The following RPGRIP1 variants were observed in gnomAD, a reference collection of about 807,000 sequenced individuals.
RPGRIP1 encodes RPGR interacting protein 1, also known as X-linked retinitis pigmentosa GTPase regulator-interacting protein 1.
RPGRIP1 carries 128 observed loss-of-function variants against 157.9 expected under a neutral mutation model. The ratio of observed to expected loss-of-function variants is 0.81; its 90% confidence interval spans 0.70 to 0.94. The LOEUF is 0.94. Ranked by LOEUF, RPGRIP1 falls within the 40% of genes least tolerant of loss-of-function variation. The pLI is 0.00. For synonymous variants in RPGRIP1, 554 were observed against 571.6 expected, an observed-to-expected ratio of 0.97 and a Z score of 0.44; for missense variants, 1,486 against 1,545.8, an observed-to-expected ratio of 0.96 and a Z score of 0.65.
intron 2 of RPGRIP1, among the ~76,000 whole-genome samples, chr14:21,289,284 C>T (rs1880423911): frequency 6.6e-6 from 1 of 152,058 alleles, no homozygotes; most frequent in South Asian, 2.1e-4. Context: ...GCCGAGATCG[C>T]ACCACTGCAC....
At chr14:21,315,504 C>CT (rs1405191723) in intron 10 of RPGRIP1, among the ~76,000 whole-genome samples, 1 of 132,452 alleles carries the variant, frequency 7.5e-6, no homozygotes. Flanking sequence ...CAGACTCCGT[C>CT]TCAAAAAAAA....
At chr14:21,289,993 A>G (rs1433200547) in intron 2 of RPGRIP1, among the ~76,000 whole-genome samples, 2 of 152,072 alleles carry the variant, frequency 1.3e-5, no homozygotes, top group Non-Finnish European at 2.9e-5. Flanking sequence ...AGTAGCTGGG[A>G]TTACAGGCAC....
At chr14:21,325,121 C>A in intron 15 of RPGRIP1, 51 bp downstream of exon 15, 1 of 1,555,034 alleles carries the variant, frequency 6.4e-7, no homozygotes, top group South Asian at 1.2e-5. Flanking sequence ...CAGAATTTCC[C>A]AAAGCCTACA....
intron 24 of RPGRIP1, 88 bp from the exon 25 acceptor site, chr14:21,351,016 C>T: frequency 1.5e-6 from 1 of 680,944 alleles, no homozygotes; most frequent in South Asian, 2.1e-5. Context: ...TAATTTCATT[C>T]ATTTAGCATC....
chr14:21,334,352 GTCTTCCTTCCTT>G (rs1157889436), intron 20 of RPGRIP1, among the ~76,000 whole-genome samples: 2 of 150,902 alleles, frequency 1.3e-5, no homozygotes, highest in Admixed American at 1.3e-4. Flanking sequence ...CTTCCTTCCT[GTCTTCCTTCCTT>G]TCTTCCTTTC....
chr14:21,330,390 A>G lies in RPGRIP1; in HGVS notation c.3238+3A>G, dbSNP rs1389509266. 1 of 1,494,746 alleles carries G rather than the reference A, an allele frequency of 6.7e-7. No individual in the cohort carries two copies. The highest frequency in any genetic ancestry group is 1.4e-5 in the South Asian group (1 of 70,630). The allele number at this position is 1,494,746 out of a possible 1,614,324, so 92.6% of individuals were successfully genotyped here. The stretch of plus-strand genomic sequence containing the variant: ...GGAACCTCTACATCCTGTAAATGGT[A>G]TTGTCTTTTAAAATCTATTTTTTTT... On this transcript the variant is annotated splice_donor_region_variant and intron_variant, in intron 20 of 24. Coordinates refer to ENST00000400017, the MANE Select transcript of RPGRIP1 (RefSeq NM_020366.4).
chr14:21,300,705 CTTTT>C (rs918137131), intron 3 of RPGRIP1, among the ~76,000 whole-genome samples: 5 of 73,504 alleles, frequency 6.8e-5, no homozygotes, highest in Admixed American at 1.8e-4. Flanking sequence ...AGTGGCTCAA[CTTTT>C]TTTTTTTTTT....
Position 21,334,669 on chromosome 14 carries a change from C to T in RPGRIP1, c.3303C>T (p.Val1101=). The T allele has an allele frequency of 6.2e-7, 1 of 1,608,034 alleles. No homozygotes were observed. Among genetic ancestry groups the T allele is most frequent in the South Asian group, 1.1e-5 (1 of 89,982 alleles). Residue 1101 remains valine, a synonymous_variant, in exon 21 of 25, where the codon GTC becomes GTT. Coordinates refer to ENST00000400017, the MANE Select transcript of RPGRIP1 (RefSeq NM_020366.4). ...SEAQTTDSDD[V]IVPPMSQKYP... is the part of the protein sequence containing the mutation. The stretch of plus-strand genomic sequence containing the variant: ...CACAAACTACCGACAGTGATGATGT[C>T]ATAGTGCCACCCATGTCTCAGAAAT...
At chr14:21,317,913 A>G in intron 11 of RPGRIP1, 63 bp downstream of exon 11, 3 of 1,403,472 alleles carry the variant, frequency 2.1e-6, no homozygotes, top group African/African-American at 1.4e-5. Context: ...TTGGGAGAAG[A>G]TAACTTGAGC....
intron 24 of RPGRIP1, among the ~76,000 whole-genome samples, chr14:21,350,603 T>TA (rs1491439538): frequency 1.3e-5 from 2 of 152,202 alleles, no homozygotes; most frequent in African/African-American, 2.4e-5. Flanking sequence ...CTGTGATCCT[T>TA]AGTCTTTTTC....
At chr14:21,296,228 A>T (rs1291337470) in intron 3 of RPGRIP1, among the ~76,000 whole-genome samples, 1 of 151,784 alleles carries the variant, frequency 6.6e-6, no homozygotes, top group Non-Finnish European at 1.5e-5. Flanking sequence ...CAGCCTCCCG[A>T]GTAGCTGGGA....
Position 21,303,434 on chromosome 14 carries a change from A to AC in RPGRIP1, c.693dup (p.Met232HisfsTer11). ...CAGTGCCCACATCATGGCCAGCAAT[A>AC]CCATGCAAGTGGAAGAGCCACCCAA... is the stretch of plus-strand genomic sequence containing the variant. On this transcript the variant is annotated frameshift_variant, in exon 6 of 25. Coordinates refer to ENST00000400017, the MANE Select transcript of RPGRIP1 (RefSeq NM_020366.4). LOFTEE classifies it high-confidence loss of function. 1 of 1,613,838 alleles carries AC rather than the reference A, an allele frequency of 6.2e-7. No individual in the cohort carries two copies. The highest frequency in any genetic ancestry group is 8.5e-7 in the Non-Finnish European group (1 of 1,179,786).
chr14:21,302,689 G>C lies in RPGRIP1; in HGVS notation c.587+105G>C, dbSNP rs1881085522. On this transcript the variant is annotated intron_variant, in intron 5 of 24. Coordinates refer to ENST00000400017, the MANE Select transcript of RPGRIP1 (RefSeq NM_020366.4). ...TTGGTGATTTGAGTCTTTTCAGCAT[G>C]ATCAGGGAAGATGAAAGTCGACCCT... 4 of 680,868 alleles carry C rather than the reference G, an allele frequency of 5.9e-6. No individual in the cohort carries two copies. The East Asian group carries it at 1.2e-4, about 20-fold the overall frequency. The allele number at this position is 680,868 out of a possible 1,614,324, so 42.2% of individuals were successfully genotyped here.
chr14:21,329,504 CTT>C (rs1400332697), intron 19 of RPGRIP1, among the ~76,000 whole-genome samples: 8 of 137,516 alleles, frequency 5.8e-5, no homozygotes, highest in Admixed American at 2.2e-4. Context: ...CAAGTACTCA[CTT>C]TTTTTTTTTT....
At chr14:21,347,044 A>G (rs1399507925) in intron 23 of RPGRIP1, among the ~76,000 whole-genome samples, 1 of 152,054 alleles carries the variant, frequency 6.6e-6, no homozygotes, top group African/African-American at 2.4e-5. Flanking sequence ...TTTCTGTGCT[A>G]ATGTCAAATT....
chr14:21,335,785 C>T (rs139848774), intron 21 of RPGRIP1, among the ~76,000 whole-genome samples: 4,533 of 151,276 alleles, frequency 0.03, 190 homozygotes, highest in African/African-American at 0.1. Flanking sequence ...CCAGCCTGGG[C>T]GACAGAGCGA....
chr14:21,338,066 G>A (rs569934073), intron 21 of RPGRIP1, among the ~76,000 whole-genome samples: 13 of 152,108 alleles, frequency 8.5e-5, no homozygotes, highest in South Asian at 4.1e-4. Context: ...ACAGGCGCAC[G>A]CCACCATGCC....
At position 21,300,972 on chromosome 14, in the gene RPGRIP1, G is replaced by GACC; in HGVS notation, c.229_231dup (p.Thr77dup). 6.2e-7 allele frequency: 1 copy of GACC among 1,612,824 alleles called. No homozygotes were observed. Among genetic ancestry groups the GACC allele is most frequent in the Non-Finnish European group, 8.5e-7 (1 of 1,179,394 alleles). On this transcript the variant is annotated inframe_insertion, in exon 4 of 25. Transcript: ENST00000400017. ...GTGCTCTATTTGTCCACAGGCTGAG[G>GACC]ACCACCTTGCTGCGGTTGACCGCTG...
chr14:21,298,789 A>G (rs940478315), intron 3 of RPGRIP1, among the ~76,000 whole-genome samples: 39 of 146,358 alleles, frequency 2.7e-4, no homozygotes, highest in African/African-American at 9.8e-4. Flanking sequence ...AAAATACAAA[A>G]ATTAGCTGGG....
Sources: allele counts gnomAD v4.1 joint callset (sites outside exome capture counted in the v4.1 genomes callset), GRCh38; gene constraint gnomAD v4.1.1; transcripts MANE v1.5; gene names NCBI Gene and HGNC (gene_info 2026-07-23, HGNC 2026-07-21).